Variants in PLXNA1 observed in about 807,000 individuals in gnomAD.
PLXNA1 encodes plexin A1.
PLXNA1 carries 77 observed loss-of-function variants against 191.7 expected under a neutral mutation model. The ratio of observed to expected loss-of-function variants is 0.40; its 90% CI spans 0.33 to 0.49. PLXNA1 has a LOEUF of 0.49. PLXNA1 is among the 20% of genes least tolerant of loss of function. The pLI is 0.63. For synonymous variants in PLXNA1, 1,137 were observed against 1,156.4 expected (o/e 0.98, Z 0.34); for missense variants, 2,110 against 2,660.2 (o/e 0.79, Z 4.55).
intron 15 of PLXNA1, among the ~76,000 whole-genome samples, chr3:127,016,129 C>T (rs2079122221): frequency 6.6e-6 from 1 of 152,038 alleles, no homozygotes; most frequent in Admixed American, 6.6e-5. Flanking sequence ...CATGAGCCTA[C>T]CTCCCAGCCT....
intron 1 of PLXNA1, among the ~76,000 whole-genome samples, chr3:126,987,662 A>G (rs1233058887): frequency 6.6e-6 from 1 of 152,054 alleles, no homozygotes; most frequent in East Asian, 2.0e-4. Flanking sequence ...CTGTGGAGGA[A>G]TTCCTCTTTC....
chr3:127,004,296 G>A (rs540981449), intron 4 of PLXNA1, among the ~76,000 whole-genome samples: 2 of 152,346 alleles, frequency 1.3e-5, no homozygotes, highest in East Asian at 3.9e-4. Flanking sequence ...ATTGATCGCT[G>A]GGGAAGCTCA....
Position 126,989,617 on chromosome 3 carries a change from G to A in PLXNA1, c.1024G>A (p.Ala342Thr), listed in dbSNP as rs1396875238. The A allele has an allele frequency of 7.4e-6, 12 of 1,613,004 alleles. No individual in the cohort carries two copies. The highest frequency in any genetic ancestry group is 2.7e-5 in the African/African-American group (2 of 74,894). The change falls in exon 2 of 32, where the codon GCC becomes ACC. Residue 342 changes from alanine (A) to threonine (T), a missense_variant. Ala to Thr is a moderately conservative substitution (Grantham distance 58). Transcript: ENST00000393409. ...CGAGGACGTGCTGTTCACTGTGTTCGCCCAGGGCCAGAAGAACCGCGTGAA... is the reference window on the plus strand; with the variant it reads ...CGAGGACGTGCTGTTCACTGTGTTCACCCAGGGCCAGAAGAACCGCGTGAA... ...EDEDVLFTVFAQGQKNRVKPP... is the reference protein window; with the variant it reads ...EDEDVLFTVFTQGQKNRVKPP...
chr3:127,031,570 G>C (rs1272034325), intron 29 of PLXNA1, among the ~76,000 whole-genome samples: 1 of 152,118 alleles, frequency 6.6e-6, no homozygotes, highest in African/African-American at 2.4e-5. Context: ...GCTGGCTCCC[G>C]GGCCAGCAGC....
At chr3:126,996,961 A>G (rs1283350283) in intron 3 of PLXNA1, among the ~76,000 whole-genome samples, 2 of 152,174 alleles carry the variant, frequency 1.3e-5, no homozygotes, top group Admixed American at 1.3e-4. Context: ...ACGGGAGAGC[A>G]TAGGCACCTA....
At chr3:127,032,628 AG>A in intron 30 of PLXNA1, 29 bp downstream of exon 30, 1 of 1,598,960 alleles carries the variant, frequency 6.3e-7, no homozygotes, top group Non-Finnish European at 8.6e-7. Context: ...GGTCGGGGGC[AG>A]GGGCCCGGGG....
intron 23 of PLXNA1, 138 bp from the exon 24 acceptor site, chr3:127,027,802 C>G: frequency 8.5e-7 from 1 of 1,170,072 alleles, no homozygotes; most frequent in African/African-American, 1.5e-5. Context: ...TAAGGCTGTA[C>G]TTGCCTCCCA....
chr3:127,015,300 C>A lies in PLXNA1; in HGVS notation c.2994C>A (p.Gly998=). The A allele has an allele frequency of 6.2e-7, 1 of 1,609,352 alleles. No homozygotes were observed. Residue 998 remains glycine (G), a synonymous_variant, in exon 15 of 32, where the codon GGC becomes GGA. Transcript: ENST00000393409. ...AGSDVAVSVG[G]RPCSFSWRNS... is the part of the protein sequence containing the mutation. ...GTGATGTGGCTGTGTCGGTCGGTGG[C>A]CGGCCCTGCTCCTTCTCCTGGTACG...
rs2078972094 is a variant in PLXNA1 at position 126,988,520 on chromosome 3, G to A, written c.-73-1G>A. On this transcript the variant is annotated splice_acceptor_variant, in intron 1 of 31. Coordinates refer to ENST00000393409, the MANE Select transcript of PLXNA1 (RefSeq NM_032242.4). LOFTEE classifies it low-confidence loss of function (5UTR_SPLICE). ...CATGCCCTCTTCTGCCCCTTCCCCA[G>A]GGCTGAAGCTCCTGGCACCATGATG... 2 of 1,328,838 alleles carry A rather than the reference G, an allele frequency of 1.5e-6. No homozygotes were observed. The highest frequency in any genetic ancestry group is 2.5e-5 in the East Asian group (1 of 39,476). The allele number at this position is 1,328,838 out of a possible 1,614,324, so 82.3% of individuals were successfully genotyped here. A position where few individuals can be genotyped will look rare whatever the true frequency, so the allele number is the denominator to read the frequency against.
At chr3:127,019,135 C>T (rs1479015644) in intron 20 of PLXNA1, among the ~76,000 whole-genome samples, 1 of 152,040 alleles carries the variant, frequency 6.6e-6, no homozygotes, top group Non-Finnish European at 1.5e-5. Flanking sequence ...CAGATAGTAA[C>T]TCACACATGT....
intron 9 of PLXNA1, among the ~76,000 whole-genome samples, chr3:127,008,286 C>G (rs57926598): frequency 6.6e-6 from 1 of 152,052 alleles, no homozygotes; most frequent in African/African-American, 2.4e-5. Context: ...AAAGCAGGTG[C>G]GGGCAGAGCC....
At position 127,033,902 on chromosome 3, in the gene PLXNA1, C is replaced by T; in HGVS notation, c.5596-20C>T. On this transcript the variant is annotated intron_variant, in intron 31 of 31. Transcript: ENST00000393409. ...GGAGGCTGGTGGCCCGGCATGCTGACAGTTCTCCTGGCCCTGCAGATCCTG... is the reference window on the plus strand; with the variant it reads ...GGAGGCTGGTGGCCCGGCATGCTGATAGTTCTCCTGGCCCTGCAGATCCTG... The T allele has an allele frequency of 6.3e-7, 1 of 1,575,978 alleles. No homozygotes were observed. The highest frequency in any genetic ancestry group is 8.6e-7 in the Non-Finnish European group (1 of 1,161,284).
intron 3 of PLXNA1, among the ~76,000 whole-genome samples, chr3:126,996,646 C>T (rs1268537330): frequency 6.6e-6 from 1 of 152,182 alleles, no homozygotes; most frequent in Non-Finnish European, 1.5e-5. Flanking sequence ...AGGTGCAGGG[C>T]AGGACTGAGC....
intron 9 of PLXNA1, among the ~76,000 whole-genome samples, chr3:127,011,609 A>G (rs1217420659): frequency 6.6e-6 from 1 of 151,916 alleles, no homozygotes; most frequent in Non-Finnish European, 1.5e-5. Context: ...CTATTTTTAT[A>G]CACTCCCTGG....
In PLXNA1 at chr3:127,005,132, G is replaced by A. The variant is rs200374384; in HGVS notation, c.1786G>A (p.Val596Ile). The A allele has an allele frequency of 1.1e-4, 181 of 1,612,762 alleles. No individual in the cohort carries two copies. The highest frequency in any genetic ancestry group is 1.1e-4 in the Non-Finnish European group (133 of 1,179,934). Residue 596 changes from valine (V) to isoleucine (I), a missense_variant, in exon 7 of 32, where the codon GTC becomes ATC. This residue lies in a region of PLXNA1 where 903 missense variants were observed against 1,015.7 expected (regional missense o/e 0.89). Coordinates refer to ENST00000393409, the MANE Select transcript of PLXNA1 (RefSeq NM_032242.4). The stretch of plus-strand genomic sequence containing the variant: ...GAACGTGCCTGACCTCTCAGCTGGC[G>A]TCAACTGCTCCTTCGAGGACTTCAC... Reference protein sequence around the residue: ...AWNVPDLSAGVNCSFEDFTES... With the variant: ...AWNVPDLSAGINCSFEDFTES...
intron 2 of PLXNA1, among the ~76,000 whole-genome samples, chr3:126,991,164 A>T (rs1183933036): frequency 6.6e-6 from 1 of 152,120 alleles, no homozygotes; most frequent in Non-Finnish European, 1.5e-5. Context: ...ACCTCAAGCT[A>T]TTGATTGCTT....
chr3:127,014,157 G>T (rs1357675645), intron 11 of PLXNA1, 25 bp from the exon 12 acceptor site: 4 of 1,612,418 alleles, frequency 2.5e-6, no homozygotes, highest in Non-Finnish European at 1.7e-6. Flanking sequence ...GGGCGGGCCC[G>T]AGCTGACCGC....
intron 10 of PLXNA1, among the ~76,000 whole-genome samples, chr3:127,013,744 C>T (rs954132629): frequency 6.6e-6 from 1 of 152,184 alleles, no homozygotes. Context: ...TCAGAGGCTG[C>T]CTGTGGTTGG....
At chr3:127,015,040 C>G (rs2079115963) in intron 14 of PLXNA1, 144 bp from the exon 15 acceptor site, 8 of 1,358,466 alleles carry the variant, frequency 5.9e-6, no homozygotes, top group Non-Finnish European at 6.9e-6. Flanking sequence ...CCTGGAAGTA[C>G]TGGCTCTGAA....
Sources: gnomAD v4.1 joint callset for allele counts (sites outside exome capture counted in the v4.1 genomes callset) on GRCh38, gnomAD v4.1.1 for gene constraint, gnomAD v4.1.1 regional missense constraint, MANE v1.5 for transcripts, NCBI Gene and HGNC (gene_info 2026-07-23, HGNC 2026-07-21) for gene names.